The following LRTM1 variants were observed in gnomAD, a reference collection of about 807,000 sequenced individuals.
LRTM1 encodes leucine-rich repeat and transmembrane domain-containing protein 1.
In LRTM1, 38 loss-of-function variants were observed where a neutral mutation model predicts 32.4. That is an observed-to-expected ratio of 1.17 (90% CI 0.91 to 1.54). The LOEUF (loss-of-function observed/expected upper bound fraction) is 1.54. Among genes scored for constraint, LRTM1 ranks in the 40% most tolerant of loss-of-function variants. The pLI, the probability that LRTM1 is intolerant of heterozygous loss-of-function variation, is 0.00. For synonymous variants in LRTM1, 186 were observed against 169.9 expected (o/e 1.09, Z -0.74); for missense variants, 466 against 415.4 (o/e 1.12, Z -1.06).
chr3:54,949,424 A>G lies in LRTM1; in HGVS notation c.-222+17504T>C, dbSNP rs188575082. ...ATTATTCCAGCTCAGCTGGAGTTCA[A>G]ATTAGTTTGAGCCATCTATGAATCA... On this transcript the variant is annotated intron_variant, in intron 1 of 2. Coordinates refer to the LRTM1 transcript ENST00000493075. Among the ~76,000 whole-genome samples the G allele has an allele frequency of 1.8e-3, 277 of 152,268 alleles. 1 individual carries two copies. The highest frequency in any genetic ancestry group is 6.3e-3 in the African/African-American group (262 of 41,552).
intron 1 of LRTM1, among the ~76,000 whole-genome samples, chr3:54,945,057 T>A (rs1701578682): frequency 6.6e-6 from 1 of 152,176 alleles, no homozygotes; most frequent in Non-Finnish European, 1.5e-5. Context: ...ACAGTAATTC[T>A]AGGCCTTGTT....
chr3:54,961,000 T>A (rs1283828692), intron 1 of LRTM1, among the ~76,000 whole-genome samples: 1 of 152,240 alleles, frequency 6.6e-6, no homozygotes, highest in Non-Finnish European at 1.5e-5. Flanking sequence ...GGGTTAATCA[T>A]GAAATATTCC....
At chr3:54,946,702 G>T (rs1515956) in intron 1 of LRTM1, among the ~76,000 whole-genome samples, 39,989 of 151,670 alleles carry the variant, frequency 0.26, 5,591 homozygotes, top group African/African-American at 0.35. Context: ...AGAAAAGCAT[G>T]TTGCTTTGCT....
upstream of LRTM1, among the ~76,000 whole-genome samples, chr3:54,929,168 AG>A (rs1261155879): frequency 6.6e-6 from 1 of 152,162 alleles, no homozygotes; most frequent in Non-Finnish European, 1.5e-5. Context: ...GCGTGTCTCC[AG>A]GCAAGTGACT....
intron 1 of LRTM1, among the ~76,000 whole-genome samples, chr3:54,945,346 T>C (rs1329886591): frequency 6.6e-6 from 1 of 152,214 alleles, no homozygotes; most frequent in African/African-American, 2.4e-5. Context: ...CCTTACTCTG[T>C]AGTATCTTGG....
At chr3:54,945,368 GC>G (rs1264328255) in intron 1 of LRTM1, among the ~76,000 whole-genome samples, 1 of 152,146 alleles carries the variant, frequency 6.6e-6, no homozygotes, top group African/African-American at 2.4e-5. Context: ...CTCGAAAGTG[GC>G]CAAGTAGGGC....
intron 2 of LRTM1, among the ~76,000 whole-genome samples, chr3:54,922,390 G>A (rs1409940369): frequency 6.6e-6 from 1 of 150,786 alleles, no homozygotes; most frequent in East Asian, 1.9e-4. Flanking sequence ...GCTGGCCTGT[G>A]CTTACAATTT....
upstream of LRTM1, among the ~76,000 whole-genome samples, chr3:54,929,662 G>A (rs1701136084): frequency 6.6e-6 from 1 of 152,026 alleles, no homozygotes; most frequent in African/African-American, 2.4e-5. Flanking sequence ...ACATACAATG[G>A]GCAAAAGTCA....
Position 54,918,802 on chromosome 3 carries a change from C to T in LRTM1, c.695G>A (p.Cys232Tyr), listed in dbSNP as rs777721059. ...CACTGGATCAGGAGCAGGAAGAGGG[C>T]AGGGCTGGTACAGCTCATGAGGGAT... ...LRIPHELYQP[C>Y]PLPAPDPVSS... is the part of the protein sequence containing the mutation. Residue 232 changes from cysteine (C) to tyrosine (Y), a missense_variant, in exon 3 of 3, where the codon TGC becomes TAC. Cys to Tyr is a radical substitution (Grantham distance 194). Transcript: ENST00000273286. The T allele has an allele frequency of 6.2e-7, 1 of 1,613,630 alleles. No homozygotes were observed. The highest frequency in any genetic ancestry group is 1.3e-5 in the African/African-American group (1 of 74,932).
intron 2 of LRTM1, among the ~76,000 whole-genome samples, chr3:54,919,991 C>A (rs1192703362): frequency 6.6e-6 from 1 of 152,184 alleles, no homozygotes; most frequent in African/African-American, 2.4e-5. Context: ...TGCTAGGAAG[C>A]CTTTTGATTG....
chr3:54,927,692 T>C (rs1415229618), intron 1 of LRTM1, among the ~76,000 whole-genome samples: 4 of 152,192 alleles, frequency 2.6e-5, no homozygotes, highest in African/African-American at 9.7e-5. Flanking sequence ...CAACTACATA[T>C]TCATGTCATG....
At chr3:54,938,729 G>A (rs1010083168) in intron 1 of LRTM1, among the ~76,000 whole-genome samples, 7 of 151,198 alleles carry the variant, frequency 4.6e-5, no homozygotes, top group African/African-American at 7.3e-5. Flanking sequence ...TTTTAAAAAC[G>A]TCTTTCAAGG....
chr3:54,927,850 A>G, intron 1 of LRTM1, 55 bp downstream of exon 1: 2 of 1,592,524 alleles, frequency 1.3e-6, no homozygotes, highest in Admixed American at 1.7e-5. Flanking sequence ...TTGTGAGGGG[A>G]TACCATCTTT....
intron 1 of LRTM1, among the ~76,000 whole-genome samples, chr3:54,942,774 C>T (rs1240478533): frequency 2.0e-5 from 3 of 151,990 alleles, no homozygotes; most frequent in Non-Finnish European, 2.9e-5. Flanking sequence ...CCTGTAATCC[C>T]AGAGCTTTGG....
At chr3:54,952,686 A>T (rs1184321670) in intron 1 of LRTM1, among the ~76,000 whole-genome samples, 4 of 152,184 alleles carry the variant, frequency 2.6e-5, no homozygotes, top group Non-Finnish European at 5.9e-5. Flanking sequence ...CATGGGTTCA[A>T]ATTCTGGTGC....
intron 1 of LRTM1, among the ~76,000 whole-genome samples, chr3:54,933,305 T>A (rs1307910046): frequency 6.6e-6 from 1 of 152,216 alleles, no homozygotes; most frequent in Non-Finnish European, 1.5e-5. Context: ...CAAATCTCAG[T>A]GGTTTAACAG....
At position 54,947,947 on chromosome 3, in the gene LRTM1, C is replaced by G. The variant is rs142122899; in HGVS notation, c.-222+18981G>C. Among the ~76,000 whole-genome samples, 892 of 152,268 alleles carry G rather than the reference C, an allele frequency of 5.9e-3. 13 individuals are homozygous for G. The highest frequency in any genetic ancestry group is 0.02 in the African/African-American group (848 of 41,550). ...ATGGCCTCTGTCTCTTTGCTGCCTT[C>G]TAAATCTAGCACCAGCTCCTTATTG... On this transcript the variant is annotated intron_variant, in intron 1 of 2. Coordinates refer to the LRTM1 transcript ENST00000493075.
chr3:54,941,650 T>C (rs1257759833), intron 1 of LRTM1, among the ~76,000 whole-genome samples: 1 of 152,208 alleles, frequency 6.6e-6, no homozygotes, highest in Non-Finnish European at 1.5e-5. Flanking sequence ...TAACATTTAA[T>C]GGTTTGTGGG....
In LRTM1 at chr3:54,918,509, C is replaced by T. The variant is rs781338601; in HGVS notation, c.988G>A (p.Asp330Asn). 1.2e-6 allele frequency: 2 copies of T among 1,613,982 alleles called. No individual in the cohort carries two copies. The highest frequency in any genetic ancestry group is 1.7e-6 in the Non-Finnish European group (2 of 1,179,974). The change falls in exon 3 of 3, where the codon GAT becomes AAT. Residue 330 changes from aspartate (D) to asparagine (N), a missense_variant. Transcript: ENST00000273286. The part of the protein sequence containing the change: ...YHGGPLAQTN[D>N]PGKVEEKERF... ...TCTTTTTCTTCCACCTTCCCAGGAT[C>T]ATTGGTTTGAGCCAAGGGTCCCCCA...
Sources: gnomAD v4.1 joint callset for allele counts (sites outside exome capture counted in the v4.1 genomes callset) on GRCh38, gnomAD v4.1.1 for gene constraint, MANE v1.5 for transcripts, NCBI Gene and HGNC (gene_info 2026-07-23, HGNC 2026-07-21) for gene names.